The following TSHZ2 variants were observed in gnomAD, a reference collection of about 807,000 sequenced individuals.
The protein encoded by TSHZ2 is teashirt homolog 2.
TSHZ2 carries 21 observed loss-of-function variants against 74.4 expected under a neutral mutation model. The ratio of observed to expected loss-of-function variants is 0.28; its 90% CI spans 0.20 to 0.41. The LOEUF is 0.41. Among genes scored for constraint, TSHZ2 ranks in the 10% least tolerant of loss-of-function variants. The pLI is 1.00. For synonymous variants in TSHZ2, 540 were observed against 515.3 expected (o/e 1.05, Z -0.65); for missense variants, 1,244 against 1,293.5 (o/e 0.96, Z 0.59).
intron 2 of TSHZ2, among the ~76,000 whole-genome samples, chr20:53,471,469 C>G (rs1985796437): frequency 6.6e-6 from 1 of 152,170 alleles, no homozygotes; most frequent in Non-Finnish European, 1.5e-5. Context: ...TGCTTATACG[C>G]TGCAATAAGT....
chr20:53,235,612 T>C (rs375416426), intron 1 of TSHZ2, among the ~76,000 whole-genome samples: 7 of 152,354 alleles, frequency 4.6e-5, no homozygotes, highest in African/African-American at 1.7e-4. Flanking sequence ...TATTGCATAC[T>C]GTACCAGGCA....
At chr20:53,223,886 G>A (rs1442861860) in intron 1 of TSHZ2, among the ~76,000 whole-genome samples, 1 of 136,602 alleles carries the variant, frequency 7.3e-6, no homozygotes, top group East Asian at 2.2e-4. Context: ...TGAAAAAAAT[G>A]TTACAGGACT....
intron 2 of TSHZ2, among the ~76,000 whole-genome samples, chr20:53,282,847 C>T (rs192822582): frequency 1.3e-5 from 2 of 152,290 alleles, no homozygotes; most frequent in Non-Finnish European, 2.9e-5. Context: ...CGTGAGGAGG[C>T]CTTGCCGAGA....
intron 2 of TSHZ2, among the ~76,000 whole-genome samples, chr20:53,362,828 A>AG (rs1385790507): frequency 3.3e-5 from 5 of 152,258 alleles, no homozygotes; most frequent in Non-Finnish European, 1.5e-5. Flanking sequence ...CTTGTAAATA[A>AG]GGGATTTCAG....
At chr20:53,407,131 T>A (rs1048145456) in intron 2 of TSHZ2, among the ~76,000 whole-genome samples, 3 of 152,172 alleles carry the variant, frequency 2.0e-5, no homozygotes, top group African/African-American at 7.2e-5. Flanking sequence ...ATCCTAAAGA[T>A]TTCTTTTCTC....
intron 1 of TSHZ2, among the ~76,000 whole-genome samples, chr20:53,175,892 C>A (rs1307072556): frequency 2.6e-5 from 4 of 152,188 alleles, no homozygotes; most frequent in Non-Finnish European, 4.4e-5. Context: ...GTGGGGAATC[C>A]TTCAGTGAAC....
chr20:52,982,927 T>C (rs1406363631), intron 1 of TSHZ2, among the ~76,000 whole-genome samples: 2 of 152,088 alleles, frequency 1.3e-5, no homozygotes, highest in East Asian at 3.9e-4. Flanking sequence ...TGTGATCTGA[T>C]TGGTTATTAG....
intron 1 of TSHZ2, among the ~76,000 whole-genome samples, chr20:53,014,676 C>G (rs936094614): frequency 4.6e-5 from 7 of 152,104 alleles, no homozygotes; most frequent in African/African-American, 1.2e-4. Flanking sequence ...GTACCCCCAG[C>G]ATTTTGTATC....
chr20:53,038,192 C>CAAAAAAAAAAAAAAAAAA (rs869242676), intron 1 of TSHZ2, among the ~76,000 whole-genome samples: 1 of 53,918 alleles, frequency 1.9e-5, no homozygotes, highest in Non-Finnish European at 3.5e-5. Context: ...GATTCCGTCT[C>CAAAAAAAAAAAAAAAAAA]AAAAAAAAAA....
At chr20:53,098,385 A>G (rs1600688480) in intron 1 of TSHZ2, among the ~76,000 whole-genome samples, 1 of 152,256 alleles carries the variant, frequency 6.6e-6, no homozygotes, top group Non-Finnish European at 1.5e-5. Flanking sequence ...TATAGTTACC[A>G]TATGTAACAG....
At chr20:53,224,678 C>T (rs891197529) in intron 1 of TSHZ2, among the ~76,000 whole-genome samples, 25 of 151,760 alleles carry the variant, frequency 1.6e-4, no homozygotes, top group African/African-American at 5.6e-4. Context: ...GGTGAAACCC[C>T]GTCTCTACTA....
rs536983015 is a variant in TSHZ2, at chr20:53,050,187, G to GTA, written c.40+76866_40+76867dup. On this transcript the variant is annotated intron_variant, in intron 1 of 2. Transcript: ENST00000371497. ...TATGTACATATATACACATATATATGTATATATATATATGTATGTATATAT... is the reference window on the plus strand; with the variant it reads ...TATGTACATATATACACATATATATGTATATATATATATATGTATGTATATAT... Among the ~76,000 whole-genome samples the GTA allele has an allele frequency of 2.2e-3, 276 of 128,116 alleles. 1 individual carries two copies. Among genetic ancestry groups the GTA allele is most frequent in the South Asian group, 0.011 (44 of 3,968 alleles). 84.0% of individuals were successfully genotyped at this position (128,116 alleles called of 152,430 possible).
rs575601921 is a variant in TSHZ2, at chr20:53,258,728, TTC to T, written c.*8+2161_*8+2162del. Among the ~76,000 whole-genome samples the T allele has an allele frequency of 5.4e-3, 818 of 152,314 alleles. 11 individuals carry two copies. Among genetic ancestry groups the T allele is most frequent in the African/African-American group, 0.018 (759 of 41,580 alleles). ...ATAGATAAGATAGCCATTTTGGCAC[TTC>T]TCTGCATTTGTACAGGATGAGTATA... On this transcript the variant is annotated intron_variant, in intron 2 of 2. Transcript: ENST00000371497.
At chr20:53,376,146 C>T (rs1481244850) in intron 2 of TSHZ2, among the ~76,000 whole-genome samples, 1 of 152,170 alleles carries the variant, frequency 6.6e-6, no homozygotes, top group Non-Finnish European at 1.5e-5. Flanking sequence ...GACAGGGATA[C>T]CAATTTGCAC....
chr20:53,254,785 C>T lies in TSHZ2; in HGVS notation c.1327C>T (p.Pro443Ser), dbSNP rs528843941. Residue 443 changes from proline to serine, a missense_variant, in exon 2 of 3, where the codon CCC (proline) becomes TCC (serine). Around this residue, in one of 6 missense-constraint regions of TSHZ2, gnomAD observed 562 missense variants for 544.0 expected, o/e 1.03. Coordinates refer to ENST00000371497, the MANE Select transcript of TSHZ2 (RefSeq NM_173485.6). ...SEAPNSDSLAPKPSSNSASDC... is the reference protein window; with the variant it reads ...SEAPNSDSLASKPSSNSASDC... ...GGCCCCAAACAGTGATTCTCTGGCTCCCAAGCCATCCAGTAACTCAGCATC... is the reference window on the plus strand; with the variant it reads ...GGCCCCAAACAGTGATTCTCTGGCTTCCAAGCCATCCAGTAACTCAGCATC... 1.9e-6 allele frequency: 3 copies of T among 1,613,298 alleles called. No homozygotes were observed. The highest frequency in any genetic ancestry group is 1.3e-5 in the African/African-American group (1 of 74,982).
At chr20:53,476,875 CAGAG>C (rs1253022683) in intron 2 of TSHZ2, among the ~76,000 whole-genome samples, 1 of 127,268 alleles carries the variant, frequency 7.9e-6, no homozygotes, top group Non-Finnish European at 1.6e-5. Context: ...AACAGACAAA[CAGAG>C]AGCCAAATCA....
At chr20:53,387,454 G>A (rs531463826) in intron 2 of TSHZ2, among the ~76,000 whole-genome samples, 4 of 152,270 alleles carry the variant, frequency 2.6e-5, no homozygotes, top group Non-Finnish European at 5.9e-5. Flanking sequence ...GTAAAGGCTC[G>A]GGTACCTGTT....
chr20:53,055,277 T>C (rs78727749), intron 1 of TSHZ2, among the ~76,000 whole-genome samples: 2,411 of 152,290 alleles, frequency 0.016, 82 homozygotes, highest in South Asian at 0.13. Flanking sequence ...TTTAAGTACA[T>C]TTGGGTTTCC....
chr20:53,194,102 A>T (rs1237315700), intron 1 of TSHZ2, among the ~76,000 whole-genome samples: 1 of 152,172 alleles, frequency 6.6e-6, no homozygotes, highest in Non-Finnish European at 1.5e-5. Flanking sequence ...TTCCCTCTTG[A>T]TGTCCATCAT....
Sources: gnomAD v4.1 joint callset for allele counts (sites outside exome capture counted in the v4.1 genomes callset) on GRCh38, gnomAD v4.1.1 for gene constraint, gnomAD v4.1.1 regional missense constraint, MANE v1.5 for transcripts, NCBI Gene and HGNC (gene_info 2026-07-23, HGNC 2026-07-21) for gene names.